Variants in SLC9A9 observed in about 807,000 individuals in gnomAD.
The protein encoded by SLC9A9 is solute carrier family 9 member A9.
SLC9A9 carries 62 observed loss-of-function variants against 77.8 expected under a neutral mutation model. The ratio of observed to expected loss-of-function variants is 0.80; its 90% CI spans 0.65 to 0.98. The LOEUF is 0.98. Among genes scored for constraint, SLC9A9 ranks in the 50% least tolerant of loss-of-function variants. The pLI, the probability that SLC9A9 is intolerant of heterozygous loss-of-function variation, is 0.00. For synonymous variants in SLC9A9, 320 were observed against 283.5 expected, an observed-to-expected ratio of 1.13 and a Z score of -1.29; for missense variants, 775 against 774.9, an observed-to-expected ratio of 1.00 and a Z score of 0.00.
rs192113577 is a variant in SLC9A9, at chr3:143,448,627, C to T, written c.1469+18410G>A. Among the ~76,000 whole-genome samples the T allele has an allele frequency of 5.2e-3, 785 of 151,502 alleles. 2 individuals carry two copies. Among genetic ancestry groups the T allele is most frequent in the Non-Finnish European group, 8.1e-3 (551 of 67,910 alleles). On this transcript the variant is annotated intron_variant, in intron 12 of 15. Transcript: ENST00000316549. ...TCAACCTTGTTGGAAAGCAATTTGGCAAAATGTATTTTGAACTTTAAAACA... is the reference window on the plus strand; with the variant it reads ...TCAACCTTGTTGGAAAGCAATTTGGTAAAATGTATTTTGAACTTTAAAACA...
At chr3:143,365,852 AT>A (rs1471838649) in intron 13 of SLC9A9, among the ~76,000 whole-genome samples, 3 of 152,200 alleles carry the variant, frequency 2.0e-5, no homozygotes, top group Admixed American at 2.0e-4. Flanking sequence ...ATTGGGGTTC[AT>A]CTGGCAAAGC....
chr3:143,459,066 A>G (rs2035143505), intron 12 of SLC9A9, among the ~76,000 whole-genome samples: 1 of 150,194 alleles, frequency 6.7e-6, no homozygotes, highest in Non-Finnish European at 1.5e-5. Context: ...TGGTCATTGC[A>G]TTTTCCATTC....
At chr3:143,290,867 A>C (rs185733109) in intron 14 of SLC9A9, among the ~76,000 whole-genome samples, 246 of 152,318 alleles carry the variant, frequency 1.6e-3, no homozygotes, top group Non-Finnish European at 1.8e-3. Context: ...TATGGAACCT[A>C]CTTTGAGAAT....
intron 11 of SLC9A9, among the ~76,000 whole-genome samples, chr3:143,469,915 G>C (rs536475662): frequency 1.5e-4 from 23 of 152,264 alleles, no homozygotes; most frequent in Non-Finnish European, 2.6e-4. Flanking sequence ...GAACACTTGA[G>C]ATGGCTGTAC....
At chr3:143,478,443 C>A (rs995327403) in intron 11 of SLC9A9, among the ~76,000 whole-genome samples, 2 of 152,188 alleles carry the variant, frequency 1.3e-5, no homozygotes, top group African/African-American at 2.4e-5. Flanking sequence ...CTGGAGCAGT[C>A]TTCCAGGCAG....
At chr3:143,469,800 G>A (rs1165722863) in intron 11 of SLC9A9, among the ~76,000 whole-genome samples, 1 of 152,196 alleles carries the variant, frequency 6.6e-6, no homozygotes, top group African/African-American at 2.4e-5. Flanking sequence ...ATGGAGGAAG[G>A]AAATTATTCT....
At chr3:143,636,903 C>T (rs548707527) in intron 6 of SLC9A9, among the ~76,000 whole-genome samples, 114 of 152,086 alleles carry the variant, frequency 7.5e-4, no homozygotes, top group Non-Finnish European at 1.3e-3. Flanking sequence ...GAGCCTTAGC[C>T]CCCACCCCAA....
At chr3:143,736,200 A>T (rs1267540025) in intron 4 of SLC9A9, among the ~76,000 whole-genome samples, 1 of 152,008 alleles carries the variant, frequency 6.6e-6, no homozygotes, top group African/African-American at 2.4e-5. Flanking sequence ...TCCTCCTGAC[A>T]CTAAATTTAG....
chr3:143,500,406 C>A (rs1442227288), intron 9 of SLC9A9, among the ~76,000 whole-genome samples: 1 of 152,106 alleles, frequency 6.6e-6, no homozygotes, highest in African/African-American at 2.4e-5. Flanking sequence ...CAAGAAGCAA[C>A]TTTGGCTTGT....
intron 4 of SLC9A9, among the ~76,000 whole-genome samples, chr3:143,782,368 C>T (rs1326319092): frequency 6.6e-6 from 1 of 152,156 alleles, no homozygotes; most frequent in Non-Finnish European, 1.5e-5. Context: ...GATTCAGGAG[C>T]TCTGGGGTGA....
chr3:143,562,113 C>A (rs534829258), intron 8 of SLC9A9, among the ~76,000 whole-genome samples: 1 of 152,342 alleles, frequency 6.6e-6, no homozygotes, highest in South Asian at 2.1e-4. Flanking sequence ...CTGAGCAAAG[C>A]ACTGACCATG....
At chr3:143,576,366 G>T (rs187937456) in intron 7 of SLC9A9, among the ~76,000 whole-genome samples, 1 of 152,290 alleles carries the variant, frequency 6.6e-6, no homozygotes, top group African/African-American at 2.4e-5. Flanking sequence ...TAGATGATGT[G>T]ATTATTACCA....
At chr3:143,785,474 G>A (rs887725867) in intron 4 of SLC9A9, among the ~76,000 whole-genome samples, 1 of 152,190 alleles carries the variant, frequency 6.6e-6, no homozygotes, top group Non-Finnish European at 1.5e-5. Flanking sequence ...CCCAGTCAAG[G>A]AACTGGATGA....
chr3:143,458,700 C>G (rs1157686107), intron 12 of SLC9A9, among the ~76,000 whole-genome samples: 2 of 152,166 alleles, frequency 1.3e-5, no homozygotes, highest in South Asian at 4.1e-4. Context: ...AGAAAACTTA[C>G]CACTTACAGG....
chr3:143,467,149 T>C lies in SLC9A9; in HGVS notation c.1357A>G (p.Thr453Ala). The C allele has an allele frequency of 6.2e-7, 1 of 1,614,198 alleles. No individual in the cohort carries two copies. Among genetic ancestry groups the C allele is most frequent in the Non-Finnish European group, 8.5e-7 (1 of 1,180,022 alleles). Residue 453 changes from threonine (T) to alanine (A), a missense_variant, in exon 12 of 16, where the codon ACA becomes GCA. Thr to Ala is a moderately conservative substitution (Grantham distance 58). Coordinates refer to ENST00000316549, the MANE Select transcript of SLC9A9 (RefSeq NM_173653.4). ...AIAFALAIRN[T>A]ESQPKQMMFT... ...ATCATTTGTTTGGGCTGAGATTCTG[T>C]GTTCCGAATAGCTAAGGCAAATGCG...
chr3:143,331,773 T>C (rs2031778686), intron 14 of SLC9A9, among the ~76,000 whole-genome samples: 1 of 152,188 alleles, frequency 6.6e-6, no homozygotes, highest in East Asian at 1.9e-4. Flanking sequence ...ATGATGTGCA[T>C]TGTATATTAG....
intron 4 of SLC9A9, among the ~76,000 whole-genome samples, chr3:143,788,080 A>C (rs1056615747): frequency 6.6e-6 from 1 of 152,116 alleles, no homozygotes; most frequent in Non-Finnish European, 1.5e-5. Flanking sequence ...CTAGAAACAG[A>C]CACCACAATA....
chr3:143,323,930 AG>A (rs1216509097), intron 14 of SLC9A9, among the ~76,000 whole-genome samples: 4 of 152,140 alleles, frequency 2.6e-5, no homozygotes, highest in African/African-American at 9.7e-5. Context: ...TTGGTTTGTC[AG>A]TTTAAGAAAA....
chr3:143,458,018 T>G (rs2035124196), intron 12 of SLC9A9, among the ~76,000 whole-genome samples: 1 of 152,206 alleles, frequency 6.6e-6, no homozygotes, highest in African/African-American at 2.4e-5. Flanking sequence ...TATCAGTTAC[T>G]CAGGGACAAG....
Sources: allele counts gnomAD v4.1 joint callset (sites outside exome capture counted in the v4.1 genomes callset), GRCh38; gene constraint gnomAD v4.1.1; transcripts MANE v1.5; gene names NCBI Gene and HGNC (gene_info 2026-07-23, HGNC 2026-07-21).